The following C12orf60 variants were observed in gnomAD, a reference collection of about 807,000 sequenced individuals.
C12orf60 encodes the protein uncharacterized protein C12orf60.
For synonymous variants in C12orf60, 102 were observed against 94.6 expected (o/e 1.08, Z -0.45); for missense variants, 284 against 283.2 (o/e 1.00, Z -0.02).
At chr12:14,817,339 T>C (rs1271700783) in intron 1 of C12orf60, among the ~76,000 whole-genome samples, 1 of 152,220 alleles carries the variant, frequency 6.6e-6, no homozygotes, top group Admixed American at 6.5e-5. Flanking sequence ...TGTTGTTCTT[T>C]CTTTGTTTTT....
chr12:14,805,309 T>C (rs551324911), intron 1 of C12orf60: 2 of 152,372 alleles, frequency 1.3e-5, no homozygotes, highest in East Asian at 1.9e-4. Flanking sequence ...TTGAGCGATA[T>C]TTAATTATCA....
At chr12:14,815,977 TA>T (rs1199950153) in intron 1 of C12orf60, among the ~76,000 whole-genome samples, 3 of 152,230 alleles carry the variant, frequency 2.0e-5, no homozygotes, top group African/African-American at 4.8e-5. Flanking sequence ...CTAGAAGCAA[TA>T]TTGACTTCAT....
intron 1 of C12orf60, among the ~76,000 whole-genome samples, chr12:14,811,442 T>C (rs1229248087): frequency 6.6e-6 from 1 of 152,194 alleles, no homozygotes; most frequent in Non-Finnish European, 1.5e-5. Flanking sequence ...AAACAAAGTT[T>C]GGAAATTTTT....
Position 14,823,195 on chromosome 12 carries a change from G to A in C12orf60, c.260G>A (p.Cys87Tyr). The A allele has an allele frequency of 1.2e-6, 2 of 1,614,168 alleles. No individual in the cohort carries two copies. Among genetic ancestry groups the A allele is most frequent in the Non-Finnish European group, 8.5e-7 (1 of 1,180,022 alleles). The change falls in exon 2 of 2, where the codon TGT becomes TAT. Residue 87 changes from cysteine to tyrosine, a missense_variant. By Grantham distance (194) the Cys-to-Tyr change is radical. Coordinates refer to ENST00000330828, the MANE Select transcript of C12orf60 (RefSeq NM_175874.4). ...RHDKIQKESL[C>Y]SKVAMAMCSV... ...GACAAAATTCAAAAGGAGTCTTTAT[G>A]TTCCAAGGTTGCAATGGCCATGTGC...
chr12:14,809,732 C>G (rs1184326174), intron 1 of C12orf60, among the ~76,000 whole-genome samples: 1 of 151,618 alleles, frequency 6.6e-6, no homozygotes, highest in African/African-American at 2.4e-5. Context: ...AAAGCACATG[C>G]AAAAATTTGA....
intron 1 of C12orf60, among the ~76,000 whole-genome samples, chr12:14,822,618 A>G (rs1032065919): frequency 6.6e-6 from 1 of 152,222 alleles, no homozygotes; most frequent in Non-Finnish European, 1.5e-5. Flanking sequence ...AGTTAAGGGT[A>G]GTATCCTTGA....
chr12:14,815,720 T>C (rs1950204763), intron 1 of C12orf60, among the ~76,000 whole-genome samples: 1 of 152,204 alleles, frequency 6.6e-6, no homozygotes, highest in Non-Finnish European at 1.5e-5. Context: ...CTACAGTATG[T>C]GGACAAAATA....
intron 1 of C12orf60, among the ~76,000 whole-genome samples, chr12:14,816,165 T>C (rs940945693): frequency 4.3e-5 from 4 of 93,812 alleles, no homozygotes; most frequent in Admixed American, 1.1e-4. Flanking sequence ...GGAGTCAGGG[T>C]GGTTTTAGGG....
chr12:14,815,297 T>C (rs1293255991), intron 1 of C12orf60, among the ~76,000 whole-genome samples: 2 of 152,186 alleles, frequency 1.3e-5, no homozygotes, highest in Non-Finnish European at 2.9e-5. Context: ...CACGTACGGA[T>C]GTGTGGCCAG....
At chr12:14,819,735 T>A (rs1191069317) in intron 1 of C12orf60, among the ~76,000 whole-genome samples, 1 of 152,136 alleles carries the variant, frequency 6.6e-6, no homozygotes, top group Non-Finnish European at 1.5e-5. Context: ...TAAAAATGCC[T>A]TTTCTGCATC....
Position 14,822,952 on chromosome 12 carries a change from A to C in C12orf60, c.17A>C (p.Glu6Ala), listed in dbSNP as rs1469429691. Residue 6 changes from glutamate (E) to alanine (A), a missense_variant, in exon 2 of 2, where the codon GAA becomes GCA. Coordinates refer to ENST00000330828, the MANE Select transcript of C12orf60 (RefSeq NM_175874.4). Reference sequence around the variant, plus strand: ...GTTGGAGAAATGTCTTCAGAGTCAGAAAAGGATAAAGAGAGACTGATTCAA... The same window carrying C: ...GTTGGAGAAATGTCTTCAGAGTCAGCAAAGGATAAAGAGAGACTGATTCAA... Reference protein sequence around the residue: MSSESEKDKERLIQAA... With the variant: MSSESAKDKERLIQAA... The C allele has an allele frequency of 1.3e-6, 2 of 1,578,848 alleles. No individual in the cohort carries two copies.
chr12:14,812,922 G>C (rs144691728), intron 1 of C12orf60, among the ~76,000 whole-genome samples: 1 of 152,170 alleles, frequency 6.6e-6, no homozygotes, highest in East Asian at 1.9e-4. Flanking sequence ...TGTTGATTTG[G>C]GAAGAGTAAG....
intron 1 of C12orf60, among the ~76,000 whole-genome samples, chr12:14,812,949 A>G (rs905020447): frequency 2.0e-5 from 3 of 152,170 alleles, no homozygotes; most frequent in Non-Finnish European, 4.4e-5. Flanking sequence ...TTTCAAAAAG[A>G]GAAGTTCTTG....
At chr12:14,813,715 T>G (rs1275559383) in intron 1 of C12orf60, among the ~76,000 whole-genome samples, 3 of 152,196 alleles carry the variant, frequency 2.0e-5, no homozygotes, top group African/African-American at 7.2e-5. Flanking sequence ...TTAACCAGTA[T>G]TAGATTCCAC....
chr12:14,807,846 A>C (rs1950077035), intron 1 of C12orf60, among the ~76,000 whole-genome samples: 1 of 152,176 alleles, frequency 6.6e-6, no homozygotes, highest in Non-Finnish European at 1.5e-5. Context: ...GAACGTCAGA[A>C]AAAAAATGCC....
intron 1 of C12orf60, among the ~76,000 whole-genome samples, chr12:14,817,575 G>A (rs1316709516): frequency 6.6e-6 from 1 of 152,144 alleles, no homozygotes; most frequent in African/African-American, 2.4e-5. Flanking sequence ...GTGAGAACAC[G>A]TGGTGTTTGG....
intron 1 of C12orf60, among the ~76,000 whole-genome samples, chr12:14,809,238 T>G (rs1468255041): frequency 6.6e-6 from 1 of 152,220 alleles, no homozygotes; most frequent in Non-Finnish European, 1.5e-5. Context: ...AAATGAACCT[T>G]CCTCCTGGAT....
Position 14,806,138 on chromosome 12 carries a change from T to C in C12orf60, c.-25+2387T>C, listed in dbSNP as rs756685601. The stretch of plus-strand genomic sequence containing the variant: ...CTTGAAGCTGTGTTTTTTCCACTGC[T>C]CCCAGGATGGCACGGACAATCATAT... On this transcript the variant is annotated intron_variant, in intron 1 of 1. Transcript: ENST00000330828. The C allele has an allele frequency of 1.5e-5, 24 of 1,614,132 alleles. No individual in the cohort carries two copies. The East Asian group carries it at 5.3e-4, about 36-fold the overall frequency.
chr12:14,811,374 C>T (rs1950133523), intron 1 of C12orf60, among the ~76,000 whole-genome samples: 1 of 152,170 alleles, frequency 6.6e-6, no homozygotes, highest in Non-Finnish European at 1.5e-5. Flanking sequence ...TTCTCTTGCT[C>T]TACACATTTG....
Sources: gnomAD v4.1 joint callset for allele counts (sites outside exome capture counted in the v4.1 genomes callset) on GRCh38, gnomAD v4.1.1 for gene constraint, MANE v1.5 for transcripts, NCBI Gene and HGNC (gene_info 2026-07-23, HGNC 2026-07-21) for gene names.